Variants in CHAT observed in about 807,000 individuals in gnomAD.
CHAT encodes choline O-acetyltransferase, also known as acetyl CoA:choline O-acetyltransferase.
In CHAT, 61 loss-of-function variants were observed where a neutral mutation model predicts 76.9. The observed-to-expected ratio is 0.79, with a 90% CI of 0.65 to 0.98. The LOEUF (loss-of-function observed/expected upper bound fraction) is 0.98. CHAT is among the 50% of genes least tolerant of loss of function. The probability of loss-of-function intolerance (pLI) is 0.00; values close to 1 mark genes in which losing one functional copy is unlikely to be tolerated. For synonymous variants in CHAT, 407 were observed against 397.4 expected (o/e 1.02, Z -0.29); for missense variants, 946 against 986.9 (o/e 0.96, Z 0.56).
In CHAT at chr10:49,624,611, C is replaced by T. The variant is rs1163574801; in HGVS notation, c.753-862C>T. Among the ~76,000 whole-genome samples the T allele has an allele frequency of 3.9e-5, 6 of 152,368 alleles. No homozygotes were observed. The East Asian group carries it at 1.2e-3, about 29-fold the overall frequency. Reference sequence around the variant, plus strand: ...GACTTACACCCCAGTAGAGCAGGAGCTGCATGTCTTATTTGCTGCCATATC... The same window carrying T: ...GACTTACACCCCAGTAGAGCAGGAGTTGCATGTCTTATTTGCTGCCATATC... On this transcript the variant is annotated intron_variant, in intron 5 of 14. Coordinates refer to ENST00000337653, the MANE Select transcript of CHAT (RefSeq NM_020549.5).
chr10:49,612,394 T>A, upstream of CHAT: 3 of 1,507,486 alleles, frequency 2.0e-6, no homozygotes, highest in Non-Finnish European at 1.8e-6. Context: ...GGGGCTGCTC[T>A]GCAAGCCCAC....
rs946736958 is a variant in CHAT, at chr10:49,614,152, C to G, written c.-38C>G. ...AGCGCTCCGGGTAGATTCTGGGGGC[C>G]GGGAGCTGAGATCCCTGGGCGGGGA... On this transcript the variant is annotated 5_prime_UTR_variant, in exon 1 of 15. Coordinates refer to ENST00000337653, the MANE Select transcript of CHAT (RefSeq NM_020549.5). 1 of 1,494,530 alleles carries G rather than the reference C, an allele frequency of 6.7e-7. No homozygotes were observed. The highest frequency in any genetic ancestry group is 1.2e-5 in the South Asian group (1 of 82,026). The allele number at this position is 1,494,530 out of a possible 1,614,324, so 92.6% of individuals were successfully genotyped here.
chr10:49,635,779 C>T (rs1030088834), intron 7 of CHAT, among the ~76,000 whole-genome samples: 3 of 152,106 alleles, frequency 2.0e-5, no homozygotes, highest in Non-Finnish European at 2.9e-5. Flanking sequence ...GGAACTTGCT[C>T]GACCTGATAC....
At chr10:49,646,891 C>A (rs1293436334) in intron 8 of CHAT, among the ~76,000 whole-genome samples, 1 of 152,216 alleles carries the variant, frequency 6.6e-6, no homozygotes, top group Non-Finnish European at 1.5e-5. Context: ...CCAGCCAGAA[C>A]TCTTCTCAGG....
At chr10:49,626,896 G>A (rs980839402) in intron 6 of CHAT, among the ~76,000 whole-genome samples, 3 of 152,386 alleles carry the variant, frequency 2.0e-5, no homozygotes, top group Non-Finnish European at 4.4e-5. Flanking sequence ...GTATACATGT[G>A]AAGGTGCACA....
intron 7 of CHAT, among the ~76,000 whole-genome samples, chr10:49,633,932 G>A (rs978208956): frequency 1.3e-5 from 2 of 152,226 alleles, no homozygotes; most frequent in African/African-American, 2.4e-5. Context: ...CATGGTCATG[G>A]TTTACAAGAA....
intron 13 of CHAT, among the ~76,000 whole-genome samples, chr10:49,660,553 T>A (rs1372109483): frequency 6.6e-6 from 1 of 152,024 alleles, no homozygotes; most frequent in Non-Finnish European, 1.5e-5. Context: ...AAAGAAAGTA[T>A]ATACCCAAAA....
intron 1 of CHAT, among the ~76,000 whole-genome samples, chr10:49,614,918 C>G (rs1838428746): frequency 6.6e-6 from 1 of 152,214 alleles, no homozygotes; most frequent in Admixed American, 6.5e-5. Flanking sequence ...GAATGACCGG[C>G]CAGACTGGGG....
upstream of CHAT, chr10:49,611,722 G>A (rs1432266848): frequency 1.9e-6 from 3 of 1,606,586 alleles, no homozygotes; most frequent in East Asian, 2.2e-5. Context: ...GTGGGAGATG[G>A]GCATGGCCTG....
At chr10:49,630,072 C>T (rs1299350736) in intron 7 of CHAT, among the ~76,000 whole-genome samples, 2 of 151,956 alleles carry the variant, frequency 1.3e-5, no homozygotes, top group African/African-American at 4.8e-5. Context: ...AAATCATTGC[C>T]ACACATGTTG....
chr10:49,633,814 CT>C (rs1839207101), intron 7 of CHAT, among the ~76,000 whole-genome samples: 1 of 152,204 alleles, frequency 6.6e-6, no homozygotes, highest in Non-Finnish European at 1.5e-5. Flanking sequence ...GAGGCAGATG[CT>C]TTTCGTTTAC....
intron 7 of CHAT, among the ~76,000 whole-genome samples, chr10:49,635,698 T>G (rs1015235517): frequency 2.0e-5 from 3 of 152,162 alleles, no homozygotes; most frequent in African/African-American, 7.2e-5. Context: ...TATTAATCAA[T>G]ACAGTAAAAG....
chr10:49,616,473 G>A (rs371590926), intron 1 of CHAT, 29 bp from the exon 2 acceptor site: 1 of 1,556,416 alleles, frequency 6.4e-7, no homozygotes, highest in Non-Finnish European at 8.8e-7. Context: ...TGGCTGCTGT[G>A]TTGATGCTTC....
At position 49,649,474 on chromosome 10, in the gene CHAT, G is replaced by A. The variant is rs763849139; in HGVS notation, c.1383-34G>A. The stretch of plus-strand genomic sequence containing the variant: ...AGATGCCTCCCACAGCTGTCTGGCC[G>A]CAGAGCCTCAGGAGGTTGCCTCTGT... On this transcript the variant is annotated intron_variant, in intron 9 of 14. Coordinates refer to ENST00000337653, the MANE Select transcript of CHAT (RefSeq NM_020549.5). 13 of 1,613,354 alleles carry A rather than the reference G, an allele frequency of 8.1e-6. No individual in the cohort carries two copies. The Admixed American group carries it at 8.3e-5, about 10-fold the overall frequency.
intron 14 of CHAT, among the ~76,000 whole-genome samples, chr10:49,663,091 A>G (rs1463361302): frequency 6.6e-6 from 1 of 152,086 alleles, no homozygotes; most frequent in Non-Finnish European, 1.5e-5. Context: ...TTAGCTGGGC[A>G]TGGTGGTGCG....
rs114589894 is a variant in CHAT, at chr10:49,630,040, G to A, written c.1111+2255G>A. Among the ~76,000 whole-genome samples the A allele has an allele frequency of 5.8e-3, 883 of 152,222 alleles. 5 individuals are homozygous for A. Among genetic ancestry groups the A allele is most frequent in the African/African-American group, 0.02 (846 of 41,538 alleles). ...ATTTAGTAAGATGGGAAACAGGGTC[G>A]GGGAGTGGGTACAGGATGGAGAAAT... On this transcript the variant is annotated intron_variant, in intron 7 of 14. Transcript: ENST00000337653.
chr10:49,625,615 C>T lies in CHAT; in HGVS notation c.895C>T (p.Pro299Ser), dbSNP rs540899575. Residue 299 changes from proline (P) to serine (S), a missense_variant, in exon 6 of 15, where the codon CCG (proline) becomes TCG (serine). Physicochemically the swap from Pro to Ser is moderately conservative, Grantham distance 74. This residue lies in a region of CHAT where 548 missense variants were observed against 516.2 expected (regional missense o/e 1.06). Coordinates refer to ENST00000337653, the MANE Select transcript of CHAT (RefSeq NM_020549.5). ...TLVAQNSSIMPEPEHVIVACC... is the reference protein window; with the variant it reads ...TLVAQNSSIMSEPEHVIVACC... ...GGTGGCTCAGAACAGCAGCATCATGCCGGAGCCTGAGCACGTCATCGTAGC... is the reference window on the plus strand; with the variant it reads ...GGTGGCTCAGAACAGCAGCATCATGTCGGAGCCTGAGCACGTCATCGTAGC... The T allele has an allele frequency of 7.5e-6, 12 of 1,595,522 alleles. 1 individual carries two copies. The South Asian group carries it at 1.4e-4, about 18-fold the overall frequency.
upstream of CHAT, chr10:49,610,949 G>T (rs375068582): frequency 1.9e-6 from 3 of 1,610,478 alleles, no homozygotes; most frequent in African/African-American, 4.0e-5. Context: ...GGCGGCGAGG[G>T]CCCCACCCGG....
chr10:49,614,313 C>G lies in CHAT; in HGVS notation c.124C>G (p.Arg42Gly), dbSNP rs1243800119. 3 of 1,547,662 alleles carry G rather than the reference C, an allele frequency of 1.9e-6. No homozygotes were observed. Among genetic ancestry groups the G allele is most frequent in the Admixed American group, 2.0e-5 (1 of 50,974 alleles). The change falls in exon 1 of 15, where the codon CGC becomes GGC. Residue 42 changes from arginine to glycine, a missense_variant. By Grantham distance (125) the Arg-to-Gly change is moderately radical (BLOSUM62 -2). Around this residue, in one of 3 missense-constraint regions of CHAT, gnomAD observed 548 missense variants for 516.2 expected, o/e 1.06. Coordinates refer to ENST00000337653, the MANE Select transcript of CHAT (RefSeq NM_020549.5). ...AGCTTGCTTTCTCCAGTCGGGTGGC[C>G]GCGGGGACCCGGGCGACGTCGGAGG... is the stretch of plus-strand genomic sequence containing the variant. ...RPACFLQSGG[R>G]GDPGDVGGPA...
Sources: gnomAD v4.1 joint callset for allele counts (sites outside exome capture counted in the v4.1 genomes callset) on GRCh38, gnomAD v4.1.1 for gene constraint, gnomAD v4.1.1 regional missense constraint, MANE v1.5 for transcripts, NCBI Gene and HGNC (gene_info 2026-07-23, HGNC 2026-07-21) for gene names.